Variants in ART3 observed in about 807,000 individuals in gnomAD.
The protein encoded by ART3 is ADP-ribosyltransferase 3 (inactive), also known as ecto-ADP-ribosyltransferase 3.
In ART3, 49 loss-of-function variants were observed where a neutral mutation model predicts 48.5. That is an observed-to-expected ratio of 1.01 (90% CI 0.80 to 1.28). The LOEUF is 1.28. Among genes scored for constraint, ART3 ranks in the 50% most tolerant of loss-of-function variants. The probability of loss-of-function intolerance (pLI) is 0.00; values close to 1 mark genes in which losing one functional copy is unlikely to be tolerated. For synonymous variants in ART3, 145 were observed against 157.2 expected (o/e 0.92, Z 0.58); for missense variants, 438 against 454.3 (o/e 0.96, Z 0.33).
At chr4:76,111,699 C>T (rs375241260) in intron 11 of ART3, among the ~76,000 whole-genome samples, 48 of 152,246 alleles carry the variant, frequency 3.2e-4, no homozygotes, top group African/African-American at 1.0e-3. Flanking sequence ...CCCGCCACCA[C>T]GCCCGGCTAA....
chr4:76,031,566 C>G (rs1418948813), intron 1 of ART3, among the ~76,000 whole-genome samples: 1 of 152,170 alleles, frequency 6.6e-6, no homozygotes, highest in East Asian at 1.9e-4. Context: ...TATTGAATCC[C>G]CATTTTGTAC....
intron 1 of ART3, chr4:76,036,335 T>C (rs1734403620): frequency 9.8e-6 from 3 of 305,898 alleles, no homozygotes; most frequent in African/African-American, 4.3e-5. Context: ...CGGACTACTT[T>C]GGGCAGCGGA....
intron 1 of ART3, among the ~76,000 whole-genome samples, chr4:76,067,216 T>A (rs2149493214): frequency 6.6e-6 from 1 of 152,358 alleles, no homozygotes; most frequent in South Asian, 2.1e-4. Flanking sequence ...AAAGATTCTC[T>A]CCAGTTTTCT....
At chr4:76,076,138 A>G (rs1721024683) in intron 2 of ART3, among the ~76,000 whole-genome samples, 180 bp downstream of exon 2, 1 of 151,536 alleles carries the variant, frequency 6.6e-6, no homozygotes, top group Non-Finnish European at 1.5e-5. Flanking sequence ...CCCAGTAGCT[A>G]GGACTACAGG....
intron 3 of ART3, among the ~76,000 whole-genome samples, chr4:76,083,782 A>G (rs996030030): frequency 3.9e-5 from 6 of 152,212 alleles, no homozygotes; most frequent in Non-Finnish European, 8.8e-5. Flanking sequence ...GGTCACCCAT[A>G]GCTACCAGAG....
intron 1 of ART3, among the ~76,000 whole-genome samples, chr4:76,045,525 C>G (rs994559674): frequency 8.6e-5 from 13 of 151,978 alleles, no homozygotes; most frequent in Admixed American, 2.6e-4. Flanking sequence ...GTGAGGCCAG[C>G]CTTTGGCTAC....
At chr4:76,039,076 A>T (rs1370713703) in intron 1 of ART3, among the ~76,000 whole-genome samples, 1 of 149,302 alleles carries the variant, frequency 6.7e-6, no homozygotes, top group Non-Finnish European at 1.5e-5. Flanking sequence ...CTATTTTCTC[A>T]TCTATAGACT....
chr4:76,076,005 T>C (rs780079611), intron 2 of ART3, 47 bp downstream of exon 2: 31 of 654,734 alleles, frequency 4.7e-5, no homozygotes, highest in African/African-American at 1.8e-4. Context: ...TGGAAATTCG[T>C]TTTTTTTTTT....
intron 3 of ART3, among the ~76,000 whole-genome samples, chr4:76,091,225 A>G (rs1208595232): frequency 1.3e-5 from 2 of 152,212 alleles, no homozygotes; most frequent in Non-Finnish European, 2.9e-5. Flanking sequence ...AAGTCTTTGT[A>G]TGGACATATG....
At chr4:76,038,897 A>G (rs963724121) in intron 1 of ART3, among the ~76,000 whole-genome samples, 7 of 151,226 alleles carry the variant, frequency 4.6e-5, no homozygotes, top group African/African-American at 1.5e-4. Flanking sequence ...TAATTTTTAT[A>G]GTTTTAGTAG....
chr4:76,055,587 G>A (rs1718611273), intron 1 of ART3, among the ~76,000 whole-genome samples: 1 of 152,180 alleles, frequency 6.6e-6, no homozygotes, highest in Non-Finnish European at 1.5e-5. Context: ...GTCTGACAAT[G>A]TAATTCCCAG....
chr4:76,061,170 T>G (rs1309132972), intron 1 of ART3, among the ~76,000 whole-genome samples: 2 of 152,222 alleles, frequency 1.3e-5, no homozygotes, highest in Non-Finnish European at 2.9e-5. Flanking sequence ...GCCTATTGGA[T>G]AGCTTCTCTA....
chr4:76,094,367 C>T (rs1486938935), intron 3 of ART3, among the ~76,000 whole-genome samples: 2 of 152,100 alleles, frequency 1.3e-5, no homozygotes. Context: ...AGATTGAGTT[C>T]TCTTGTCATG....
intron 3 of ART3, among the ~76,000 whole-genome samples, chr4:76,087,697 C>T (rs4308383): frequency 0.11 from 17,297 of 151,944 alleles, 1,340 homozygotes; most frequent in East Asian, 0.36. Context: ...AAACTTTGTT[C>T]GTTAGGAAGC....
chr4:76,098,458 C>G (rs1328015271), intron 4 of ART3, among the ~76,000 whole-genome samples: 1 of 152,132 alleles, frequency 6.6e-6, no homozygotes, highest in East Asian at 1.9e-4. Context: ...CTGTTTCTAG[C>G]TGTTTTTCTG....
At chr4:76,056,312 T>C (rs149627001) in intron 1 of ART3, among the ~76,000 whole-genome samples, 1 of 152,298 alleles carries the variant, frequency 6.6e-6, no homozygotes, top group East Asian at 1.9e-4. Context: ...AGATCAAGCT[T>C]CTAAGGGTTA....
chr4:76,027,290 G>T (rs1310758062), intron 1 of ART3, among the ~76,000 whole-genome samples: 5 of 152,068 alleles, frequency 3.3e-5, no homozygotes, highest in Non-Finnish European at 7.4e-5. Context: ...TTTATGATCA[G>T]TACCAAATGA....
intron 1 of ART3, among the ~76,000 whole-genome samples, chr4:76,065,734 A>G (rs1324269159): frequency 6.6e-6 from 1 of 151,258 alleles, no homozygotes; most frequent in Admixed American, 6.6e-5. Flanking sequence ...ATAATAATAT[A>G]TACATATATG....
intron 3 of ART3, 120 bp downstream of exon 3, chr4:76,082,655 G>A (rs569616795): frequency 1.4e-6 from 1 of 739,550 alleles, no homozygotes; most frequent in East Asian, 2.7e-5. Context: ...ATTCCGTCTA[G>A]CTTCTTTCAT....
Sources: gnomAD v4.1 joint callset for allele counts (sites outside exome capture counted in the v4.1 genomes callset) on GRCh38, gnomAD v4.1.1 for gene constraint, MANE v1.5 for transcripts, NCBI Gene and HGNC (gene_info 2026-07-23, HGNC 2026-07-21) for gene names.